Variants in MTCL1 observed in about 807,000 individuals in gnomAD.
MTCL1 encodes microtubule crosslinking factor 1.
Under a neutral mutation model 141.4 loss-of-function variants are expected in MTCL1, and 79 were observed. The observed-to-expected ratio is 0.56, with a 90% CI of 0.47 to 0.67. The LOEUF (loss-of-function observed/expected upper bound fraction) is 0.67. MTCL1 is among the 30% of genes least tolerant of loss of function. The pLI, the probability that MTCL1 is intolerant of heterozygous loss-of-function variation, is 0.00. For synonymous variants in MTCL1, 914 were observed against 875.8 expected, an observed-to-expected ratio of 1.04 and a Z score of -0.77; for missense variants, 2,177 against 2,113.9, an observed-to-expected ratio of 1.03 and a Z score of -0.59.
At chr18:8,727,496 T>C (rs924988853) in intron 4 of MTCL1, among the ~76,000 whole-genome samples, 1 of 152,222 alleles carries the variant, frequency 6.6e-6, no homozygotes, top group African/African-American at 2.4e-5. Context: ...CTGACCGGTG[T>C]TTGATGATAT....
chr18:8,780,872 G>A (rs985896240), intron 5 of MTCL1, among the ~76,000 whole-genome samples: 47 of 152,132 alleles, frequency 3.1e-4, no homozygotes, highest in African/African-American at 1.1e-3. Context: ...TTTCCTGAAA[G>A]AATGAATGAA....
intron 8 of MTCL1, among the ~76,000 whole-genome samples, chr18:8,793,519 G>A (rs1345701739): frequency 2.6e-5 from 4 of 152,134 alleles, no homozygotes; most frequent in Non-Finnish European, 4.4e-5. Context: ...CATTGCCTTC[G>A]GAAAACTGCC....
At chr18:8,777,711 G>A in intron 4 of MTCL1, 122 bp from the exon 4 acceptor site, 1 of 777,470 alleles carries the variant, frequency 1.3e-6, no homozygotes, top group Non-Finnish European at 2.1e-6. Flanking sequence ...GTTGTTTCTT[G>A]ATTCTGGTGG....
Position 8,810,603 on chromosome 18 carries a change from T to C in MTCL1, c.2605-2376T>C, listed in dbSNP as rs2076451120. Among the ~76,000 whole-genome samples the C allele has an allele frequency of 6.6e-6, 1 of 152,176 alleles. No homozygotes were observed. The highest frequency in any genetic ancestry group is 6.5e-5 in the Admixed American group (1 of 15,288). On this transcript the variant is annotated intron_variant, in intron 11 of 16. Coordinates refer to ENST00000359865, the Ensembl canonical transcript of MTCL1. This position sits in a 1 kb window ranked among gnomAD's most constrained non-coding sequence, Gnocchi z 5.0. ...GCATCTACAGGTGAACAGACGTACG[T>C]GCGAGGGGCTCAGCAGCCTGTCTTT...
intron 4 of MTCL1, among the ~76,000 whole-genome samples, chr18:8,764,942 A>C (rs780826864): frequency 1.3e-5 from 2 of 152,246 alleles, no homozygotes; most frequent in Non-Finnish European, 2.9e-5. Context: ...AATTACTCCC[A>C]ATGATAAAAA....
chr18:8,769,236 A>G (rs1198893314), intron 4 of MTCL1, among the ~76,000 whole-genome samples: 1 of 152,092 alleles, frequency 6.6e-6, no homozygotes, highest in African/African-American at 2.4e-5. Context: ...CTGATTCCAT[A>G]TTTCCTACTA....
exon 1 of MTCL1, chr18:8,706,177 A>G (rs1336781174): frequency 1.6e-5 from 19 of 1,222,988 alleles, no homozygotes; most frequent in Non-Finnish European, 1.9e-5. Flanking sequence ...ACCCGCCCGC[A>G]CCGTCGGCCC....
intron 9 of MTCL1, 107 bp from the exon 9 acceptor site, chr18:8,797,990 G>T: frequency 9.1e-7 from 1 of 1,102,912 alleles, no homozygotes; most frequent in Non-Finnish European, 1.3e-6. Flanking sequence ...AGAAGTATAG[G>T]CGTTGATAAT....
At chr18:8,792,868 C>T (rs1385281389) in intron 7 of MTCL1, 130 bp from the exon 7 acceptor site, 2 of 1,315,344 alleles carry the variant, frequency 1.5e-6, no homozygotes, top group Non-Finnish European at 2.1e-6. Flanking sequence ...AGTCACTCCA[C>T]TGCTGCAGTG....
chr18:8,717,868 A>G, intron 1 of MTCL1: 5 of 987,326 alleles, frequency 5.1e-6, no homozygotes, highest in Non-Finnish European at 6.0e-6. Context: ...CCCAATGTGT[A>G]TTTAAAATAA....
upstream of MTCL1, among the ~76,000 whole-genome samples, chr18:8,713,588 T>C (rs1026742974): frequency 6.6e-6 from 1 of 152,252 alleles, no homozygotes; most frequent in African/African-American, 2.4e-5. Flanking sequence ...TAGTTTTTGC[T>C]TTTCAGATGG....
At chr18:8,740,368 AG>A (rs1234955304) in intron 4 of MTCL1, among the ~76,000 whole-genome samples, 1 of 152,010 alleles carries the variant, frequency 6.6e-6, no homozygotes, top group Non-Finnish European at 1.5e-5. Flanking sequence ...GCCAAACATC[AG>A]TTTTATTTGT....
At chr18:8,760,137 G>A (rs926175720) in intron 4 of MTCL1, among the ~76,000 whole-genome samples, 5 of 152,176 alleles carry the variant, frequency 3.3e-5, no homozygotes, top group African/African-American at 7.2e-5. Context: ...CATCTGGAAC[G>A]CGAGAGCGGT....
Position 8,783,405 on chromosome 18 carries a change from A to G in MTCL1, c.418-125A>G, listed in dbSNP as rs1266576169. The G allele has an allele frequency of 1.6e-5, 15 of 918,768 alleles. No individual in the cohort carries two copies. In the East Asian group the frequency reaches 3.7e-4, roughly 23 times the overall value. The allele number at this position is 918,768 out of a possible 1,614,324, so 56.9% of individuals were successfully genotyped here. A position where few individuals can be genotyped will look rare whatever the true frequency, so the allele number is the denominator to read the frequency against. ...CTGTTTCTCTATGTAACTCAGCGGC[A>G]CCGATGGGAAGATCGGTGTTTGATG... On this transcript the variant is annotated intron_variant, in intron 5 of 16. Coordinates refer to ENST00000359865, the Ensembl canonical transcript of MTCL1.
chr18:8,709,863 G>A (rs1255500636), intron 1 of MTCL1, among the ~76,000 whole-genome samples: 8 of 151,826 alleles, frequency 5.3e-5, no homozygotes, highest in Admixed American at 2.0e-4. Flanking sequence ...TTTTTGAGAC[G>A]GAGTCTTGCT....
exon 15 of MTCL1, chr18:8,825,936 C>G (rs370154697): frequency 3.7e-6 from 6 of 1,604,870 alleles, no homozygotes; most frequent in East Asian, 2.2e-5. Flanking sequence ...AGCAGAGCCC[C>G]GACCAGAGCT....
chr18:8,799,151 A>T (rs1253518549), intron 10 of MTCL1, among the ~76,000 whole-genome samples: 4 of 152,232 alleles, frequency 2.6e-5, no homozygotes, highest in Admixed American at 6.5e-5. Flanking sequence ...TCTCAGCCAC[A>T]GACACTCTGG....
chr18:8,716,168 A>G (rs769244938), upstream of MTCL1, among the ~76,000 whole-genome samples: 49 of 152,338 alleles, frequency 3.2e-4, no homozygotes, highest in Non-Finnish European at 6.2e-4. Context: ...CATCATTGGT[A>G]TAGAAATTCT....
At chr18:8,721,859 A>T (rs1029098767) in intron 4 of MTCL1, among the ~76,000 whole-genome samples, 17 of 152,100 alleles carry the variant, frequency 1.1e-4, no homozygotes, top group Non-Finnish European at 2.2e-4. Context: ...TGTCTGGCTC[A>T]CTGTGGGGCC....
Sources: allele counts gnomAD v4.1 joint callset (sites outside exome capture counted in the v4.1 genomes callset), GRCh38; gene constraint gnomAD v4.1.1; non-coding constraint Gnocchi (gnomAD v3.1); transcripts MANE v1.5; gene names NCBI Gene and HGNC (gene_info 2026-07-23, HGNC 2026-07-21).